Variants in SYT9 observed in about 807,000 individuals in gnomAD.
SYT9 encodes synaptotagmin-9.
In SYT9, 22 loss-of-function variants were observed where a neutral mutation model predicts 48.4. The ratio of observed to expected loss-of-function variants is 0.45; its 90% CI spans 0.32 to 0.65. The LOEUF is 0.65. SYT9 is among the 30% of genes least tolerant of loss of function. The pLI is 0.03. For missense variants in SYT9, 577 were observed against 622.0 expected, an observed-to-expected ratio of 0.93 and a Z score of 0.77; for synonymous variants, 265 against 245.0, an observed-to-expected ratio of 1.08 and a Z score of -0.76.
At chr11:7,446,474 G>A (rs1847931881) in intron 6 of SYT9, among the ~76,000 whole-genome samples, 1 of 152,170 alleles carries the variant, frequency 6.6e-6, no homozygotes, top group Non-Finnish European at 1.5e-5. Context: ...AGAACTCTCA[G>A]GAGGGCTTAC....
At chr11:7,337,197 G>A (rs574422317) in intron 3 of SYT9, among the ~76,000 whole-genome samples, 8 of 151,972 alleles carry the variant, frequency 5.3e-5, no homozygotes, top group Non-Finnish European at 8.8e-5. Context: ...GTTGATTTTT[G>A]TATCCTGAAA....
intron 3 of SYT9, among the ~76,000 whole-genome samples, chr11:7,321,343 A>C (rs568322454): frequency 6.6e-6 from 1 of 152,156 alleles, no homozygotes; most frequent in Non-Finnish European, 1.5e-5. Context: ...CGCAGACCTG[A>C]TGGAGGTGGA....
At chr11:7,297,894 A>G (rs545080776) in intron 1 of SYT9, among the ~76,000 whole-genome samples, 1 of 152,278 alleles carries the variant, frequency 6.6e-6, no homozygotes, top group South Asian at 2.1e-4. Context: ...TTCTGATGCC[A>G]CTATGGTTCT....
intron 3 of SYT9, among the ~76,000 whole-genome samples, chr11:7,403,580 G>GAGAC (rs1846940975): frequency 2.0e-5 from 3 of 150,240 alleles, no homozygotes; most frequent in Admixed American, 1.3e-4. Flanking sequence ...GAGAGAGAGA[G>GAGAC]ACACACACAT....
At position 7,313,660 on chromosome 11, in the gene SYT9, A is replaced by T; in HGVS notation, c.763A>T (p.Thr255Ser). ...TTTGCCCGCCAAGGACTTTTCTGGG[A>T]CTTCAGATCCTTATGTCAAGATCTA... is the stretch of plus-strand genomic sequence containing the variant. ...VNLPAKDFSG[T>S]SDPYVKIYLL... is the part of the protein sequence containing the mutation. The change falls in exon 3 of 7, where the codon ACT becomes TCT. Residue 255 changes from threonine to serine, a missense_variant. Transcript: ENST00000318881. 4 of 1,614,190 alleles carry T rather than the reference A, an allele frequency of 2.5e-6. No homozygotes were observed. The highest frequency in any genetic ancestry group is 1.6e-4 in the Middle Eastern group (1 of 6,062).
At chr11:7,360,138 G>A (rs1431896283) in intron 3 of SYT9, among the ~76,000 whole-genome samples, 1 of 152,030 alleles carries the variant, frequency 6.6e-6, no homozygotes, top group Non-Finnish European at 1.5e-5. Flanking sequence ...TTTTTGTCAG[G>A]TTTGTCAAAG....
At chr11:7,383,964 T>C (rs1589987296) in intron 3 of SYT9, among the ~76,000 whole-genome samples, 1 of 152,160 alleles carries the variant, frequency 6.6e-6, no homozygotes, top group Non-Finnish European at 1.5e-5. Context: ...TATGCTTCCA[T>C]ATTTTATATA....
chr11:7,392,264 T>C (rs1427884137), intron 3 of SYT9, among the ~76,000 whole-genome samples: 2 of 152,166 alleles, frequency 1.3e-5, no homozygotes, highest in African/African-American at 4.8e-5. Flanking sequence ...CTTTAATATA[T>C]TTTGAGTTAA....
At chr11:7,456,985 C>T (rs529954482) in intron 6 of SYT9, 15 of 152,344 alleles carry the variant, frequency 9.8e-5, no homozygotes, top group African/African-American at 3.4e-4. Context: ...ATGTAACTCT[C>T]CCACTTAAAA....
upstream of SYT9, among the ~76,000 whole-genome samples, chr11:7,247,824 T>G (rs1847813834): frequency 6.6e-6 from 1 of 151,968 alleles, no homozygotes; most frequent in Non-Finnish European, 1.5e-5. Flanking sequence ...ATGACCTCTT[T>G]TGCTCTGGGT....
Position 7,453,953 on chromosome 11 carries a change from C to T in SYT9, c.1468-12839C>T, listed in dbSNP as rs1848104386. On this transcript the variant is annotated intron_variant, in intron 6 of 6. Transcript: ENST00000318881. ...GAGCACCAGGGAAGAGGCCTTAAGCCCAGTCTCCTTCAGCAGGCACCCTCT... is the reference window on the plus strand; with the variant it reads ...GAGCACCAGGGAAGAGGCCTTAAGCTCAGTCTCCTTCAGCAGGCACCCTCT... 2.0e-6 allele frequency: 2 copies of T among 980,904 alleles called. 1 individual carries two copies. Among genetic ancestry groups the T allele is most frequent in the Admixed American group, 1.2e-4 (2 of 16,270 alleles). 60.8% of individuals were successfully genotyped at this position (980,904 alleles called of 1,614,324 possible). A position where few individuals can be genotyped will look rare whatever the true frequency, so the allele number is the denominator to read the frequency against.
intron 3 of SYT9, among the ~76,000 whole-genome samples, chr11:7,330,994 T>C (rs1272464011): frequency 6.6e-6 from 1 of 152,022 alleles, no homozygotes; most frequent in Non-Finnish European, 1.5e-5. Flanking sequence ...AGATGGGGTT[T>C]CATCATGTTG....
At chr11:7,464,246 A>G (rs542116603) in intron 6 of SYT9, among the ~76,000 whole-genome samples, 10 of 152,340 alleles carry the variant, frequency 6.6e-5, no homozygotes, top group Admixed American at 2.6e-4. Context: ...CTAGGAAACC[A>G]TAAGTGGGAT....
intron 1 of SYT9, among the ~76,000 whole-genome samples, chr11:7,285,290 A>G (rs1240995604): frequency 6.6e-6 from 1 of 152,210 alleles, no homozygotes; most frequent in Non-Finnish European, 1.5e-5. Context: ...ACTTACAATC[A>G]TGGCAGAAAG....
chr11:7,323,049 A>T (rs1171043996), intron 3 of SYT9, among the ~76,000 whole-genome samples: 1 of 152,166 alleles, frequency 6.6e-6, no homozygotes, highest in East Asian at 1.9e-4. Flanking sequence ...TGATTTTAGC[A>T]TTCCATATTA....
intron 1 of SYT9, among the ~76,000 whole-genome samples, chr11:7,270,627 ATTAC>A: frequency 6.6e-6 from 1 of 152,328 alleles, no homozygotes; most frequent in East Asian, 1.9e-4. Flanking sequence ...TTCTAGCCAT[ATTAC>A]TTAGACAACA....
intron 3 of SYT9, among the ~76,000 whole-genome samples, chr11:7,331,885 C>T (rs1249376341): frequency 6.6e-6 from 1 of 152,164 alleles, no homozygotes; most frequent in Non-Finnish European, 1.5e-5. Context: ...TCTCTGCCTA[C>T]CACACTAGAA....
In SYT9 at chr11:7,339,992, C is replaced by G. The variant is rs189167245; in HGVS notation, c.1044+26051C>G. ...TTCTCCTCATACCTTTCAGGAATGA[C>G]AATGATTAATAGATTTGGCCTGTTT... On this transcript the variant is annotated intron_variant, in intron 3 of 6. Transcript: ENST00000318881. Among the ~76,000 whole-genome samples the G allele has an allele frequency of 2.6e-5, 4 of 152,324 alleles. No homozygotes were observed. In the East Asian group the frequency reaches 7.7e-4, roughly 29 times the overall value.
intron 1 of SYT9, among the ~76,000 whole-genome samples, chr11:7,263,188 G>C (rs1359372375): frequency 1.3e-5 from 2 of 152,158 alleles, no homozygotes; most frequent in African/African-American, 2.4e-5. Context: ...CCATAAGCTG[G>C]GTAGCTTATG....
Sources: gnomAD v4.1 joint callset for allele counts (sites outside exome capture counted in the v4.1 genomes callset) on GRCh38, gnomAD v4.1.1 for gene constraint, MANE v1.5 for transcripts, NCBI Gene and HGNC (gene_info 2026-07-23, HGNC 2026-07-21) for gene names.